The following CKAP2 variants were observed in gnomAD, a reference collection of about 807,000 sequenced individuals.
CKAP2 encodes cytoskeleton-associated protein 2.
CKAP2 carries 46 observed loss-of-function variants against 58.4 expected under a neutral mutation model. The ratio of observed to expected loss-of-function variants is 0.79; its 90% CI spans 0.62 to 1.01. CKAP2 has a LOEUF of 1.01. Ranked by LOEUF, CKAP2 falls within the 50% of genes least tolerant of loss-of-function variation. The pLI, the probability that CKAP2 is intolerant of heterozygous loss-of-function variation, is 0.00. For synonymous variants in CKAP2, 293 were observed against 280.9 expected (o/e 1.04, Z -0.43); for missense variants, 809 against 796.4 (o/e 1.02, Z -0.19).
Position 52,461,834 on chromosome 13 carries a change from G to C in CKAP2, c.1008G>C (p.Lys336Asn). 6.2e-7 allele frequency: 1 copy of C among 1,614,126 alleles called. No individual in the cohort carries two copies. Among genetic ancestry groups the C allele is most frequent in the Non-Finnish European group, 8.5e-7 (1 of 1,179,996 alleles). The change falls in exon 4 of 9, where the codon AAG (lysine) becomes AAC (asparagine). Residue 336 changes from lysine to asparagine, a missense_variant. By Grantham distance (94) the Lys-to-Asn change is moderately conservative. This residue lies in a region of CKAP2 where 523 missense variants were observed against 492.4 expected (regional missense o/e 1.06). Transcript: ENST00000258607. ...TGTCTAATGATAAACTGATGGAAAAGTCAGAGCCCGTTGACCAGCGAAGAC... is the reference window on the plus strand; with the variant it reads ...TGTCTAATGATAAACTGATGGAAAACTCAGAGCCCGTTGACCAGCGAAGAC... ...ASLSNDKLME[K>N]SEPVDQRRHT...
At chr13:52,472,720 C>T (rs1019647847) in intron 7 of CKAP2, among the ~76,000 whole-genome samples, 1 of 152,186 alleles carries the variant, frequency 6.6e-6, no homozygotes, top group African/African-American at 2.4e-5. Flanking sequence ...TTTGCACACT[C>T]ATTCCTACAC....
At position 52,455,510 on chromosome 13, in the gene CKAP2, C is replaced by T. The variant is rs747433824; in HGVS notation, c.-47C>T. ...GCGGCGGCGGTGGTCTGAGGAAGTTCTATCTTGGCGCTAAAGCGGAGACGC... is the reference window on the plus strand; with the variant it reads ...GCGGCGGCGGTGGTCTGAGGAAGTTTTATCTTGGCGCTAAAGCGGAGACGC... On this transcript the variant is annotated 5_prime_UTR_variant, in exon 1 of 9. Transcript: ENST00000258607. The T allele has an allele frequency of 2.5e-6, 4 of 1,610,400 alleles. No individual in the cohort carries two copies. Among genetic ancestry groups the T allele is most frequent in the East Asian group, 2.2e-5 (1 of 44,818 alleles).
At chr13:52,467,192 AC>A (rs927255880) in intron 6 of CKAP2, among the ~76,000 whole-genome samples, 2 of 152,028 alleles carry the variant, frequency 1.3e-5, no homozygotes, top group African/African-American at 4.8e-5. Flanking sequence ...ACTGTGAATT[AC>A]ACCTTCCCTA....
chr13:52,461,714 A>G lies in CKAP2; in HGVS notation c.888A>G (p.Leu296=), dbSNP rs1394771721. 6.2e-7 allele frequency: 1 copy of G among 1,613,856 alleles called. No individual in the cohort carries two copies. The highest frequency in any genetic ancestry group is 8.5e-7 in the Non-Finnish European group (1 of 1,179,908). The change falls in exon 4 of 9, where the codon TTA becomes TTG. Residue 296 remains leucine (L), a synonymous_variant. Transcript: ENST00000258607. ...EKELLQSKTA[L]SSVKTSSSQG... The stretch of plus-strand genomic sequence containing the variant: ...AACTATTACAATCAAAAACAGCTTT[A>G]TCTAGTGTCAAAACCAGTTCTTCTC...
In CKAP2 at chr13:52,461,262, G is replaced by T. The variant is rs750611939; in HGVS notation, c.436G>T (p.Ala146Ser). The T allele has an allele frequency of 1.2e-6, 2 of 1,613,368 alleles. No individual in the cohort carries two copies. Among genetic ancestry groups the T allele is most frequent in the South Asian group, 2.2e-5 (2 of 90,870 alleles). Reference sequence around the variant, plus strand: ...AAGTCAACATATGACATTAAGCCAGGCATTTCACCTTAAAAACAATAGTAA... The same window carrying T: ...AAGTCAACATATGACATTAAGCCAGTCATTTCACCTTAAAAACAATAGTAA... ...PQSQHMTLSQAFHLKNNSKKK... is the reference protein window; with the variant it reads ...PQSQHMTLSQSFHLKNNSKKK... Residue 146 changes from alanine to serine, a missense_variant, in exon 4 of 9, where the codon GCA becomes TCA. Physicochemically the swap from Ala to Ser is moderately conservative, Grantham distance 99. Around this residue, in one of 3 missense-constraint regions of CKAP2, gnomAD observed 523 missense variants for 492.4 expected, o/e 1.06. Transcript: ENST00000258607.
At chr13:52,460,503 G>C (rs1415284476) in intron 2 of CKAP2, among the ~76,000 whole-genome samples, 3 of 151,104 alleles carry the variant, frequency 2.0e-5, no homozygotes, top group African/African-American at 7.3e-5. Context: ...GGAGTGCAGT[G>C]GCTCGATCTT....
At position 52,474,942 on chromosome 13, in the gene CKAP2, A is replaced by C; in HGVS notation, c.1850A>C (p.Glu617Ala). ...QFDGTNSAFK[E>A]LKFLTPVRRS... ...GATGGAACAAATTCCGCATTTAAAG[A>C]GCTGAAGTTTTTAACACCAGTGAGA... Residue 617 changes from glutamate (E) to alanine (A), a missense_variant, in exon 9 of 9, where the codon GAG becomes GCG. Physicochemically the swap from Glu to Ala is moderately radical, Grantham distance 107. Around this residue, in one of 3 missense-constraint regions of CKAP2, gnomAD observed 283 missense variants for 287.6 expected, o/e 0.98. Transcript: ENST00000258607. 4 of 1,613,208 alleles carry C rather than the reference A, an allele frequency of 2.5e-6. No homozygotes were observed. Among genetic ancestry groups the C allele is most frequent in the Non-Finnish European group, 3.4e-6 (4 of 1,179,134 alleles).
intron 2 of CKAP2, among the ~76,000 whole-genome samples, chr13:52,460,524 G>A (rs1331709760): frequency 2.0e-5 from 3 of 150,086 alleles, no homozygotes; most frequent in East Asian, 2.0e-4. Context: ...GGCTCACTGC[G>A]AACTCCGCCT....
intron 6 of CKAP2, among the ~76,000 whole-genome samples, chr13:52,467,122 T>C (rs1368658081): frequency 6.8e-6 from 1 of 146,392 alleles, no homozygotes; most frequent in African/African-American, 2.5e-5. Context: ...AAAAAAAAAT[T>C]AGCCAAGAAA....
chr13:52,465,942 T>TACACATATATATGC (rs1430710088), intron 6 of CKAP2: 3 of 205,992 alleles, frequency 1.5e-5, no homozygotes, highest in African/African-American at 1.1e-4. Context: ...CACATATATA[T>TACACATATATATGC]ACACATATAT....
At chr13:52,460,534 T>A (rs912772544) in intron 2 of CKAP2, among the ~76,000 whole-genome samples, 9 of 150,596 alleles carry the variant, frequency 6.0e-5, no homozygotes, top group African/African-American at 2.2e-4. Flanking sequence ...GAACTCCGCC[T>A]CCCGGGTTCA....
rs1487404140 is a variant in CKAP2 at position 52,456,587 on chromosome 13, G to A, written c.135G>A (p.Gln45=). 5 of 1,613,192 alleles carry A rather than the reference G, an allele frequency of 3.1e-6. No individual in the cohort carries two copies. In the South Asian group the frequency reaches 5.5e-5, roughly 18 times the overall value. ...GAAAAACGCTTTTTGCATACAAGCA[G>A]GAAAATGAGATGTTATCCAGGTAAG... The part of the protein sequence containing the change: ...LRRKTLFAYK[Q]ENEMLSSRDQ... Residue 45 remains glutamine (Q), a synonymous_variant, in exon 2 of 9, where the codon CAG becomes CAA. Transcript: ENST00000258607.
Position 52,461,490 on chromosome 13 carries a change from A to G in CKAP2, c.664A>G (p.Thr222Ala), listed in dbSNP as rs749955610. 15 of 1,613,984 alleles carry G rather than the reference A, an allele frequency of 9.3e-6. No individual in the cohort carries two copies. Among genetic ancestry groups the G allele is most frequent in the Non-Finnish European group, 1.3e-5 (15 of 1,179,980 alleles). The change falls in exon 4 of 9, where the codon ACC becomes GCC. Residue 222 changes from threonine to alanine, a missense_variant. By Grantham distance (58) the Thr-to-Ala change is moderately conservative. Coordinates refer to ENST00000258607, the MANE Select transcript of CKAP2 (RefSeq NM_018204.5). ...AGCCACAAAACCTCAGCCTGTAAAC[A>G]CCAGCAGTGTAACAGTGAAAAGTAA... is the stretch of plus-strand genomic sequence containing the variant. ...PKATKPQPVN[T>A]SSVTVKSNRS...
At chr13:52,472,579 C>T (rs1958774854) in intron 7 of CKAP2, among the ~76,000 whole-genome samples, 1 of 152,002 alleles carries the variant, frequency 6.6e-6, no homozygotes, top group South Asian at 2.1e-4. Flanking sequence ...CTTTGTCTGC[C>T]CTCACTGCTT....
chr13:52,460,205 A>G (rs1448780455), intron 2 of CKAP2, among the ~76,000 whole-genome samples: 1 of 152,126 alleles, frequency 6.6e-6, no homozygotes, highest in Non-Finnish European at 1.5e-5. Context: ...TGTGAATGGC[A>G]TATGGTAATT....
chr13:52,474,139 C>T (rs1958797159), intron 8 of CKAP2, 55 bp downstream of exon 8: 21 of 1,514,830 alleles, frequency 1.4e-5, no homozygotes, highest in Middle Eastern at 1.8e-4. Flanking sequence ...TAATAAATAA[C>T]GGCATTTAAA....
At chr13:52,457,768 C>T (rs1482170526) in intron 2 of CKAP2, among the ~76,000 whole-genome samples, 7 of 152,002 alleles carry the variant, frequency 4.6e-5, no homozygotes, top group African/African-American at 7.3e-5. Context: ...GCAGGAGAAT[C>T]GCTTGAACCT....
chr13:52,473,781 T>C, intron 7 of CKAP2, 48 bp from the exon 8 acceptor site: 1 of 1,522,492 alleles, frequency 6.6e-7, no homozygotes, highest in Non-Finnish European at 8.8e-7. Flanking sequence ...TCTGATTTTG[T>C]TCTTAAAATT....
At position 52,468,328 on chromosome 13, in the gene CKAP2, T is replaced by G. The variant is rs1958712064; in HGVS notation, c.1527T>G (p.Ser509Arg). Residue 509 changes from serine to arginine, a missense_variant, in exon 7 of 9, where the codon AGT (serine) becomes AGG (arginine). Physicochemically the swap from Ser to Arg is moderately radical, Grantham distance 110 (BLOSUM62 -1). This residue lies in a region of CKAP2 where 283 missense variants were observed against 287.6 expected (regional missense o/e 0.98). Coordinates refer to ENST00000258607, the MANE Select transcript of CKAP2 (RefSeq NM_018204.5). ...TTGTAGATATTCTAACAATGAAGAG[T>G]CAAGAAAAAGCTAATTTAGGTAAGT... ...HTIVDILTMK[S>R]QEKANLGENM... The G allele has an allele frequency of 6.3e-6, 10 of 1,597,248 alleles. No homozygotes were observed. The highest frequency in any genetic ancestry group is 7.7e-6 in the Non-Finnish European group (9 of 1,171,464).
Sources: allele counts gnomAD v4.1 joint callset (sites outside exome capture counted in the v4.1 genomes callset), GRCh38; gene constraint gnomAD v4.1.1; regional missense constraint gnomAD v4.1.1; transcripts MANE v1.5; gene names NCBI Gene and HGNC (gene_info 2026-07-23, HGNC 2026-07-21).